Variants in CDH8 observed in about 807,000 individuals in gnomAD.
CDH8 encodes cadherin-8.
A neutral mutation model predicts 68.1 loss-of-function variants in CDH8; 17 were observed. That is an observed-to-expected ratio of 0.25 (90% CI 0.17 to 0.37). The LOEUF (loss-of-function observed/expected upper bound fraction) is 0.37, where lower values mean the gene tolerates loss of function less well. Ranked by LOEUF, CDH8 falls within the 10% of genes least tolerant of loss-of-function variation. The probability of loss-of-function intolerance (pLI) is 1.00; values close to 1 mark genes in which losing one functional copy is unlikely to be tolerated. For synonymous variants in CDH8, 372 were observed against 365.1 expected, an observed-to-expected ratio of 1.02 and a Z score of -0.21; for missense variants, 763 against 999.3, an observed-to-expected ratio of 0.76 and a Z score of 3.19.
chr16:61,784,486 T>A (rs1323299476), intron 8 of CDH8, among the ~76,000 whole-genome samples: 1 of 148,764 alleles, frequency 6.7e-6, no homozygotes. Context: ...ACATTAATAA[T>A]GGGAGACTTT....
rs1338672776 is a variant in CDH8, at chr16:61,793,309, AG to A, written c.1278-3828del. Among the ~76,000 whole-genome samples the A allele has an allele frequency of 2.0e-5, 3 of 152,044 alleles. No individual in the cohort carries two copies. In the East Asian group the frequency reaches 5.8e-4, roughly 29 times the overall value. ...TGCAGGATGTGCAGGTTTATTACAT[AG>A]GTAAATGTGTGTCATGGGGATTCAT... On this transcript the variant is annotated intron_variant, in intron 7 of 11. Transcript: ENST00000577390.
intron 8 of CDH8, among the ~76,000 whole-genome samples, chr16:61,776,934 T>C (rs1202337448): frequency 6.6e-6 from 1 of 152,126 alleles, no homozygotes; most frequent in Non-Finnish European, 1.5e-5. Flanking sequence ...AACCTGCACA[T>C]GCACCCCTGA....
At chr16:61,684,228 G>A (rs745412285) in intron 10 of CDH8, among the ~76,000 whole-genome samples, 7 of 151,958 alleles carry the variant, frequency 4.6e-5, no homozygotes, top group Non-Finnish European at 8.8e-5. Flanking sequence ...TTATCTTTCT[G>A]AGGCTAGAAG....
chr16:61,847,674 T>C (rs1962838724), intron 4 of CDH8, among the ~76,000 whole-genome samples: 1 of 151,556 alleles, frequency 6.6e-6, no homozygotes, highest in Non-Finnish European at 1.5e-5. Flanking sequence ...GGAAGTTACA[T>C]CTAAAGTTAC....
intron 8 of CDH8, among the ~76,000 whole-genome samples, chr16:61,760,352 C>T (rs933383908): frequency 6.6e-6 from 1 of 151,482 alleles, no homozygotes; most frequent in Non-Finnish European, 1.5e-5. Flanking sequence ...CACTCAGTCG[C>T]CCAAGCTGGA....
chr16:61,911,729 A>G (rs1409123493), intron 2 of CDH8, among the ~76,000 whole-genome samples: 1 of 152,102 alleles, frequency 6.6e-6, no homozygotes, highest in Non-Finnish European at 1.5e-5. Flanking sequence ...TTCTATAAAG[A>G]AAGCAGAAGT....
At chr16:61,893,992 T>G (rs1374998143) in intron 3 of CDH8, among the ~76,000 whole-genome samples, 1 of 152,134 alleles carries the variant, frequency 6.6e-6, no homozygotes, top group Non-Finnish European at 1.5e-5. Context: ...GTTAAAATTT[T>G]GGGTTAATAG....
At chr16:61,813,297 G>T (rs544719056) in intron 7 of CDH8, among the ~76,000 whole-genome samples, 4 of 152,296 alleles carry the variant, frequency 2.6e-5, no homozygotes, top group African/African-American at 9.6e-5. Flanking sequence ...ACTGGGGATA[G>T]GCATGGCACC....
chr16:61,963,829 T>C (rs1965199696), intron 2 of CDH8, among the ~76,000 whole-genome samples: 1 of 152,224 alleles, frequency 6.6e-6, no homozygotes, highest in Non-Finnish European at 1.5e-5. Context: ...ATGTCAGACA[T>C]AAGTGAATGC....
chr16:61,914,443 T>TAAG (rs1964206033), intron 2 of CDH8, among the ~76,000 whole-genome samples: 1 of 152,206 alleles, frequency 6.6e-6, no homozygotes, highest in Non-Finnish European at 1.5e-5. Context: ...ATATGTGCTT[T>TAAG]ACCTGTCAAG....
intron 1 of CDH8, among the ~76,000 whole-genome samples, chr16:62,034,672 C>T (rs562646304): frequency 2.6e-5 from 4 of 152,140 alleles, no homozygotes; most frequent in African/African-American, 9.6e-5. Flanking sequence ...GCAGCTCGGG[C>T]GCGCTAAGGG....
chr16:61,656,557 G>C (rs1020792267), intron 10 of CDH8, among the ~76,000 whole-genome samples: 1 of 152,124 alleles, frequency 6.6e-6, no homozygotes, highest in Non-Finnish European at 1.5e-5. Context: ...TTCACATTAA[G>C]ATACAGCAAA....
intron 4 of CDH8, among the ~76,000 whole-genome samples, chr16:61,836,140 C>T (rs1962563183): frequency 6.6e-6 from 1 of 151,892 alleles, no homozygotes; most frequent in South Asian, 2.1e-4. Flanking sequence ...GCCTAGATAT[C>T]AATCAGACAT....
At chr16:61,994,265 T>A (rs1318656012) in intron 2 of CDH8, among the ~76,000 whole-genome samples, 1 of 152,208 alleles carries the variant, frequency 6.6e-6, no homozygotes, top group Non-Finnish European at 1.5e-5. Context: ...GAATTCATTT[T>A]AAATTTTGCT....
intron 8 of CDH8, among the ~76,000 whole-genome samples, chr16:61,754,002 G>A (rs190052478): frequency 1.7e-4 from 26 of 152,154 alleles, no homozygotes; most frequent in Admixed American, 6.5e-4. Flanking sequence ...TATGCTACCC[G>A]TAAGAAATGA....
chr16:61,817,772 A>T (rs1221231329), intron 6 of CDH8, 40 bp from the exon 7 acceptor site: 1 of 1,524,920 alleles, frequency 6.6e-7, no homozygotes, highest in Non-Finnish European at 8.8e-7. Flanking sequence ...CTCACTAATG[A>T]CCACAGCAGC....
intron 8 of CDH8, among the ~76,000 whole-genome samples, chr16:61,744,466 AT>A (rs1447803594): frequency 1.3e-5 from 2 of 151,982 alleles, no homozygotes; most frequent in African/African-American, 4.8e-5. Context: ...ATTTATCCTT[AT>A]ATTACAGCTT....
chr16:61,658,863 AT>A (rs1224567719), intron 10 of CDH8, among the ~76,000 whole-genome samples: 1 of 152,124 alleles, frequency 6.6e-6, no homozygotes, highest in African/African-American at 2.4e-5. Context: ...TAAGAGAGTT[AT>A]TTCTTAATGT....
intron 7 of CDH8, among the ~76,000 whole-genome samples, chr16:61,807,384 A>C (rs1305432052): frequency 6.6e-6 from 1 of 151,378 alleles, no homozygotes; most frequent in Non-Finnish European, 1.5e-5. Flanking sequence ...ATGACAAGTT[A>C]GTGGGTGCAG....
Sources: allele counts gnomAD v4.1 joint callset (sites outside exome capture counted in the v4.1 genomes callset), GRCh38; gene constraint gnomAD v4.1.1; transcripts MANE v1.5; gene names NCBI Gene and HGNC (gene_info 2026-07-23, HGNC 2026-07-21).